Variants in PREX1 observed in about 807,000 individuals in gnomAD.
PREX1 encodes the protein phosphatidylinositol 3,4,5-trisphosphate-dependent Rac exchanger 1 protein.
In PREX1, 41 loss-of-function variants were observed where a neutral mutation model predicts 198.3. The ratio of observed to expected loss-of-function variants is 0.21; its 90% confidence interval spans 0.16 to 0.27. The LOEUF (loss-of-function observed/expected upper bound fraction) is 0.27. Among genes scored for constraint, PREX1 ranks in the 10% least tolerant of loss-of-function variants. PREX1 has a pLI of 1.00. For synonymous variants in PREX1, 843 were observed against 887.2 expected (o/e 0.95, Z 0.89); for missense variants, 1,620 against 2,200.7 (o/e 0.74, Z 5.28).
At chr20:48,633,759 C>T (rs2089334524) in intron 33 of PREX1, among the ~76,000 whole-genome samples, 1 of 152,186 alleles carries the variant, frequency 6.6e-6, no homozygotes, top group South Asian at 2.1e-4. Flanking sequence ...AGACCCCACC[C>T]CACAAACCGA....
At chr20:48,700,372 G>T (rs1311076685) in intron 7 of PREX1, among the ~76,000 whole-genome samples, 5 of 152,138 alleles carry the variant, frequency 3.3e-5, no homozygotes, top group Non-Finnish European at 7.3e-5. Context: ...TAGGTGTTTT[G>T]TGAGTATAAC....
At chr20:48,722,195 T>A (rs1341707396) in intron 5 of PREX1, among the ~76,000 whole-genome samples, 1 of 152,090 alleles carries the variant, frequency 6.6e-6, no homozygotes, top group Non-Finnish European at 1.5e-5. Flanking sequence ...AGCCAGAAAG[T>A]GGAAACGACC....
At chr20:48,879,945 G>T in the PREX1 span, among the ~76,000 whole-genome samples, 1 of 152,252 alleles carries the variant, frequency 6.6e-6, no homozygotes, top group South Asian at 2.1e-4. Flanking sequence ...TCCATGGTGG[G>T]ACATATGGTC....
At chr20:48,696,476 G>A (rs995023881) in intron 7 of PREX1, among the ~76,000 whole-genome samples, 3 of 152,022 alleles carry the variant, frequency 2.0e-5, no homozygotes, top group Non-Finnish European at 4.4e-5. Context: ...TAATTACTAC[G>A]ACCTTACAGC....
the PREX1 span, among the ~76,000 whole-genome samples, chr20:48,867,989 G>A: frequency 1.3e-5 from 2 of 151,746 alleles, no homozygotes; most frequent in Admixed American, 6.6e-5. Context: ...GATTGCAGGC[G>A]TGAGCCACTG....
intron 31 of PREX1, among the ~76,000 whole-genome samples, chr20:48,637,028 G>A (rs968375934): frequency 2.0e-5 from 3 of 152,200 alleles, no homozygotes; most frequent in Admixed American, 2.0e-4. Flanking sequence ...CTTGGCCTTG[G>A]CCAGTAGAAT....
Position 48,650,172 on chromosome 20 carries a change from G to A in PREX1, c.2852C>T (p.Pro951Leu), listed in dbSNP as rs997666562. ...GGGCTCCAGGGGGGCTTGTTTGAAGGGTGGGCTGACCCTGCTCTTCAGTTG... is the reference window on the plus strand; with the variant it reads ...GGGCTCCAGGGGGGCTTGTTTGAAGAGTGGGCTGACCCTGCTCTTCAGTTG... ...AAQLKSRVSP[P>L]FKQAPLEPHP... is the part of the protein sequence containing the mutation. Residue 951 changes from proline (P) to leucine (L), a missense_variant, in exon 24 of 40, where the codon CCC becomes CTC. By Grantham distance (98) the Pro-to-Leu change is moderately conservative. Transcript: ENST00000371941. 6.2e-7 allele frequency: 1 copy of A among 1,613,642 alleles called. No homozygotes were observed.
chr20:48,785,787 G>GA (rs1232771407), intron 1 of PREX1, among the ~76,000 whole-genome samples: 93 of 151,436 alleles, frequency 6.1e-4, no homozygotes, highest in South Asian at 1.5e-3. Context: ...GCATCAGCAG[G>GA]AAAAAAAAAG....
At chr20:48,812,047 T>C (rs568085452) in intron 1 of PREX1, among the ~76,000 whole-genome samples, 25 of 152,364 alleles carry the variant, frequency 1.6e-4, no homozygotes, top group African/African-American at 5.8e-4. Context: ...TGTCTCAGTG[T>C]CTTCCAGCTC....
chr20:48,672,786 AC>A (rs1043077515), intron 14 of PREX1, among the ~76,000 whole-genome samples: 2 of 151,972 alleles, frequency 1.3e-5, no homozygotes, highest in Non-Finnish European at 2.9e-5. Flanking sequence ...TGTAAACTGC[AC>A]CACCCCGCCC....
rs1160876249 is a variant in PREX1, at chr20:48,679,623, CAG to C, written c.1539+26_1539+27del. ...TGGAGGTGAACGAGGCCAGCTGAGTCAGAGTCACAGGGGCGGAGGGCCCCTAC... is the reference window on the plus strand; with the variant it reads ...TGGAGGTGAACGAGGCCAGCTGAGTCAGTCACAGGGGCGGAGGGCCCCTAC... On this transcript the variant is annotated intron_variant, in intron 12 of 39. Coordinates refer to ENST00000371941, the MANE Select transcript of PREX1 (RefSeq NM_020820.4). The C allele has an allele frequency of 3.2e-6, 5 of 1,565,196 alleles. No homozygotes were observed. In the African/African-American group the frequency reaches 4.1e-5, roughly 13 times the overall value.
the PREX1 span, among the ~76,000 whole-genome samples, chr20:48,834,014 G>A: frequency 1.3e-5 from 2 of 151,952 alleles, no homozygotes; most frequent in Admixed American, 1.3e-4. Context: ...CCGGGAGGCG[G>A]AGATTGCAGT....
At chr20:48,800,922 C>A (rs2090383832) in intron 1 of PREX1, among the ~76,000 whole-genome samples, 1 of 152,016 alleles carries the variant, frequency 6.6e-6, no homozygotes, top group Non-Finnish European at 1.5e-5. Context: ...TCCCAAAGTG[C>A]AGGGATTACA....
intron 18 of PREX1, among the ~76,000 whole-genome samples, chr20:48,656,665 TG>T (rs1259607441): frequency 6.6e-6 from 1 of 152,174 alleles, no homozygotes; most frequent in Non-Finnish European, 1.5e-5. Context: ...GCCATCCCTC[TG>T]CACACTCTGG....
chr20:48,631,664 C>T (rs866337161), intron 35 of PREX1, among the ~76,000 whole-genome samples: 19 of 152,304 alleles, frequency 1.2e-4, no homozygotes, highest in African/African-American at 4.6e-4. Context: ...AGCCCAGACC[C>T]GTACTCATCT....
At chr20:48,741,947 T>C (rs34316626) in intron 3 of PREX1, among the ~76,000 whole-genome samples, 25,029 of 152,086 alleles carry the variant, frequency 0.16, 2,712 homozygotes, top group Non-Finnish European at 0.24. Flanking sequence ...TGGCGGGCTG[T>C]GGGGATTTTA....
At chr20:48,783,068 T>C (rs2090296901) in intron 1 of PREX1, among the ~76,000 whole-genome samples, 1 of 152,198 alleles carries the variant, frequency 6.6e-6, no homozygotes, top group Non-Finnish European at 1.5e-5. Flanking sequence ...ACCAGCTGCG[T>C]GACCTTGGGC....
chr20:48,732,956 G>A (rs1257986267), intron 4 of PREX1, among the ~76,000 whole-genome samples: 1 of 152,176 alleles, frequency 6.6e-6, no homozygotes, highest in East Asian at 1.9e-4. Flanking sequence ...CTTAGCCCCT[G>A]ACACTGGAGC....
chr20:48,733,746 T>G (rs1390726871), intron 4 of PREX1, among the ~76,000 whole-genome samples: 2 of 90,602 alleles, frequency 2.2e-5, no homozygotes, highest in African/African-American at 8.2e-5. Context: ...AGTTTTTGGG[T>G]TTTTTTGTTT....
Sources: gnomAD v4.1 joint callset for allele counts (sites outside exome capture counted in the v4.1 genomes callset) on GRCh38, gnomAD v4.1.1 for gene constraint, MANE v1.5 for transcripts, NCBI Gene and HGNC (gene_info 2026-07-23, HGNC 2026-07-21) for gene names.